Variants in CHD7 observed in about 807,000 individuals in gnomAD.
CHD7 encodes chromodomain helicase DNA binding protein 7, also known as ATP-dependent chromatin remodeler CHD7.
A neutral mutation model predicts 307.3 loss-of-function variants in CHD7; 24 were observed. The observed-to-expected ratio is 0.08, with a 90% CI of 0.06 to 0.11. CHD7 has a LOEUF of 0.11. CHD7 is among the 10% of genes least tolerant of loss of function. The pLI is 1.00. For synonymous variants in CHD7, 1,363 were observed against 1,349.9 expected (o/e 1.01, Z -0.21); for missense variants, 3,106 against 3,727.1 (o/e 0.83, Z 4.34).
At chr8:60,828,554 A>G (rs1355279389) in intron 13 of CHD7, 109 bp from the exon 14 acceptor site, 1 of 985,244 alleles carries the variant, frequency 1.0e-6, no homozygotes, top group Non-Finnish European at 1.5e-6. Context: ...TATACTTTGC[A>G]TAGGGTAGAT....
At chr8:60,767,701 G>T (rs751602622) in intron 2 of CHD7, among the ~76,000 whole-genome samples, 1 of 152,122 alleles carries the variant, frequency 6.6e-6, no homozygotes, top group Admixed American at 6.6e-5. Context: ...GACTCCTCAC[G>T]GTGCTGGGAC....
intron 2 of CHD7, among the ~76,000 whole-genome samples, chr8:60,751,218 A>G (rs1158615697): frequency 2.6e-5 from 4 of 152,184 alleles, no homozygotes; most frequent in African/African-American, 9.7e-5. Context: ...CCTGTCTCTA[A>G]TACAATTGCT....
intron 2 of CHD7, among the ~76,000 whole-genome samples, chr8:60,748,941 A>T (rs111691033): frequency 2.4e-3 from 361 of 151,972 alleles, no homozygotes; most frequent in Non-Finnish European, 2.8e-3. Context: ...CCTTGAGATT[A>T]AAAAAAACCT....
At chr8:60,749,370 C>CAAAA (rs55661758) in intron 2 of CHD7, among the ~76,000 whole-genome samples, 12,301 of 55,970 alleles carry the variant, frequency 0.22, 2,822 homozygotes, top group African/African-American at 0.35. Flanking sequence ...GACTCTGTAT[C>CAAAA]AAAAAAAAAA....
intron 2 of CHD7, among the ~76,000 whole-genome samples, chr8:60,760,895 G>A (rs369992561): frequency 6.6e-6 from 1 of 152,172 alleles, no homozygotes; most frequent in Non-Finnish European, 1.5e-5. Context: ...TGTTGGTGGG[G>A]CTGTCAACTA....
rs115160785 is a variant in CHD7, at chr8:60,718,350, C to T, written c.-174-22909C>T. 5.8e-3 allele frequency among the ~76,000 whole-genome samples: 889 copies of T among 152,032 alleles called. 11 individuals carry two copies. The highest frequency in any genetic ancestry group is 0.019 in the African/African-American group (801 of 41,454). The stretch of plus-strand genomic sequence containing the variant: ...AAAATTAGCTGGGTGTGGTGGCAGG[C>T]GCTAATCTCAGATACTCGGGAGGCT... On this transcript the variant is annotated intron_variant, in intron 1 of 37. Coordinates refer to ENST00000423902, the MANE Select transcript of CHD7 (RefSeq NM_017780.4).
chr8:60,732,267 T>C (rs1037721445), intron 1 of CHD7, among the ~76,000 whole-genome samples: 4 of 152,212 alleles, frequency 2.6e-5, no homozygotes, highest in African/African-American at 4.8e-5. Flanking sequence ...TTTTAAAATG[T>C]AGAAGAATGT....
chr8:60,739,906 T>C (rs935571401), intron 1 of CHD7, among the ~76,000 whole-genome samples: 7 of 152,208 alleles, frequency 4.6e-5, no homozygotes, highest in African/African-American at 1.2e-4. Context: ...CAACAAGATA[T>C]TGTTTTTTTC....
chr8:60,773,158 G>T (rs931731164), intron 2 of CHD7, among the ~76,000 whole-genome samples: 3 of 152,178 alleles, frequency 2.0e-5, no homozygotes, highest in Admixed American at 1.3e-4. Flanking sequence ...CCTCAGGGGG[G>T]TACCCCTCTG....
intron 1 of CHD7, among the ~76,000 whole-genome samples, chr8:60,739,273 T>C (rs902197128): frequency 4.6e-5 from 7 of 152,200 alleles, no homozygotes; most frequent in African/African-American, 1.2e-4. Flanking sequence ...TTTGAAAGGT[T>C]ATTTTGGTAA....
At chr8:60,790,633 A>G (rs988375486) in intron 3 of CHD7, among the ~76,000 whole-genome samples, 3 of 152,144 alleles carry the variant, frequency 2.0e-5, no homozygotes, top group Non-Finnish European at 2.9e-5. Context: ...TGTTATTGCT[A>G]TTACTTGTAC....
At chr8:60,730,816 C>T (rs534492820) in intron 1 of CHD7, among the ~76,000 whole-genome samples, 7 of 151,656 alleles carry the variant, frequency 4.6e-5, no homozygotes, top group East Asian at 3.9e-4. Flanking sequence ...GCTGAGATCG[C>T]GCCACTGCAC....
intron 1 of CHD7, among the ~76,000 whole-genome samples, chr8:60,736,678 A>G (rs944206023): frequency 5.3e-5 from 8 of 152,212 alleles, no homozygotes; most frequent in African/African-American, 1.9e-4. Flanking sequence ...TCAGTATCCA[A>G]TAGGCAAATG....
At chr8:60,842,284 A>G (rs918402702) in intron 21 of CHD7, among the ~76,000 whole-genome samples, 6 of 152,344 alleles carry the variant, frequency 3.9e-5, no homozygotes, top group Admixed American at 1.3e-4. Flanking sequence ...GCTTGTGTAT[A>G]CCTTAAGGAA....
intron 13 of CHD7, among the ~76,000 whole-genome samples, chr8:60,827,481 C>T (rs917961121): frequency 5.9e-5 from 9 of 152,068 alleles, no homozygotes; most frequent in Admixed American, 5.2e-4. Flanking sequence ...TTCTTGCATA[C>T]AGTAATCCAG....
intron 19 of CHD7, among the ~76,000 whole-genome samples, chr8:60,839,457 G>T (rs1200568776): frequency 6.6e-6 from 1 of 152,194 alleles, no homozygotes; most frequent in East Asian, 1.9e-4. Flanking sequence ...GAGTGGAATT[G>T]CTGGGTCCTA....
intron 2 of CHD7, among the ~76,000 whole-genome samples, chr8:60,757,640 C>T (rs552714441): frequency 6.6e-6 from 1 of 152,220 alleles, no homozygotes; most frequent in Admixed American, 6.5e-5. Context: ...GAGTGAAAGC[C>T]ATTTTGGTAA....
intron 2 of CHD7, among the ~76,000 whole-genome samples, chr8:60,771,910 C>G (rs1810731528): frequency 2.0e-5 from 3 of 152,190 alleles, no homozygotes; most frequent in African/African-American, 7.2e-5. Flanking sequence ...CCAGTCAGAC[C>G]TAGCCAGAAT....
chr8:60,803,833 A>AT (rs769646535), intron 6 of CHD7, among the ~76,000 whole-genome samples: 1 of 152,186 alleles, frequency 6.6e-6, no homozygotes, highest in Admixed American at 6.5e-5. Flanking sequence ...GAAATTTGAG[A>AT]TTTTTTGTGG....
Sources: gnomAD v4.1 joint callset for allele counts (sites outside exome capture counted in the v4.1 genomes callset) on GRCh38, gnomAD v4.1.1 for gene constraint, MANE v1.5 for transcripts, NCBI Gene and HGNC (gene_info 2026-07-23, HGNC 2026-07-21) for gene names.